The following AIDA variants were observed in gnomAD, a reference collection of about 807,000 sequenced individuals.
AIDA encodes the protein axin interactor, dorsalization-associated protein.
Under a neutral mutation model 42.7 loss-of-function variants are expected in AIDA, and 18 were observed. That is an observed-to-expected ratio of 0.42 (90% CI 0.29 to 0.63). AIDA has a LOEUF of 0.63. Among genes scored for constraint, AIDA ranks in the 20% least tolerant of loss-of-function variants. The pLI, the probability that AIDA is intolerant of heterozygous loss-of-function variation, is 0.19. For synonymous variants in AIDA, 104 were observed against 122.9 expected (o/e 0.85, Z 1.02); for missense variants, 250 against 354.1 (o/e 0.71, Z 2.36).
At chr1:222,694,585 T>C (rs1321842368) in intron 2 of AIDA, among the ~76,000 whole-genome samples, 1 of 152,180 alleles carries the variant, frequency 6.6e-6, no homozygotes, top group Admixed American at 6.5e-5. Context: ...TTCTTCTCCA[T>C]AAAGCCTAAA....
rs777454792 is a variant in AIDA, at chr1:222,699,775, C to CT, written c.180+3372dup. ...GCTTGCATTTTTAAAGAAAATTAAACTTTTTTTTTTTTTTTGAGACAAGTC... is the reference window on the plus strand; with the variant it reads ...GCTTGCATTTTTAAAGAAAATTAAACTTTTTTTTTTTTTTTTGAGACAAGTC... On this transcript the variant is annotated intron_variant, in intron 2 of 9. Coordinates refer to ENST00000340020, the MANE Select transcript of AIDA (RefSeq NM_022831.4). Among the ~76,000 whole-genome samples the CT allele has an allele frequency of 4.3e-3, 615 of 143,306 alleles. 3 individuals are homozygous for CT. The highest frequency in any genetic ancestry group is 0.025 in the South Asian group (114 of 4,520). 94.0% of individuals were successfully genotyped at this position (143,306 alleles called of 152,430 possible). A position where few individuals can be genotyped will look rare whatever the true frequency, so the allele number is the denominator to read the frequency against.
intron 6 of AIDA, among the ~76,000 whole-genome samples, chr1:222,683,779 C>G (rs1314003648): frequency 6.6e-6 from 1 of 152,002 alleles, no homozygotes; most frequent in African/African-American, 2.4e-5. Context: ...TGAAATCTAC[C>G]AAGACTATCT....
Position 222,712,408 on chromosome 1 carries a change from C to T in AIDA, c.-91G>A. ...TCCCCCGGCCTGGCCCCGACATTAACAGGGCCAGGAGGAACCGCTACGGCC... is the reference window on the plus strand; with the variant it reads ...TCCCCCGGCCTGGCCCCGACATTAATAGGGCCAGGAGGAACCGCTACGGCC... On this transcript the variant is annotated 5_prime_UTR_variant, in exon 1 of 10. Transcript: ENST00000340020. 1 of 1,419,272 alleles carries T rather than the reference C, an allele frequency of 7.0e-7. No homozygotes were observed. Among genetic ancestry groups the T allele is most frequent in the Non-Finnish European group, 9.3e-7 (1 of 1,079,418 alleles). 87.9% of individuals were successfully genotyped at this position (1,419,272 alleles called of 1,614,324 possible). A position where few individuals can be genotyped will look rare whatever the true frequency, so the allele number is the denominator to read the frequency against.
At chr1:222,675,176 C>G (rs1395265443) in intron 7 of AIDA, among the ~76,000 whole-genome samples, 1 of 152,134 alleles carries the variant, frequency 6.6e-6, no homozygotes, top group Non-Finnish European at 1.5e-5. Flanking sequence ...CAAAAGTTCT[C>G]TTCATTTGAT....
intron 4 of AIDA, among the ~76,000 whole-genome samples, chr1:222,689,520 T>TATACATAC (rs765351898): frequency 5.2e-5 from 3 of 58,102 alleles, no homozygotes; most frequent in Non-Finnish European, 1.1e-4. Flanking sequence ...TATATATATA[T>TATACATAC]ACACACATAC....
intron 7 of AIDA, among the ~76,000 whole-genome samples, chr1:222,674,678 G>C (rs991448345): frequency 1.3e-5 from 2 of 152,100 alleles, no homozygotes; most frequent in Admixed American, 1.3e-4. Flanking sequence ...AGAACACTAA[G>C]TTATTGTGTA....
At chr1:222,700,475 G>A (rs367841951) in intron 2 of AIDA, among the ~76,000 whole-genome samples, 2 of 151,970 alleles carry the variant, frequency 1.3e-5, no homozygotes, top group African/African-American at 2.4e-5. Context: ...TCTGTGGGTC[G>A]GGCCGGGCGC....
intron 6 of AIDA, among the ~76,000 whole-genome samples, chr1:222,677,362 A>T (rs1265471571): frequency 6.6e-6 from 1 of 152,156 alleles, no homozygotes; most frequent in East Asian, 1.9e-4. Context: ...TAACATCTGC[A>T]AATAAAGGGA....
chr1:222,693,751 C>A, intron 4 of AIDA, 38 bp downstream of exon 4: 1 of 1,508,776 alleles, frequency 6.6e-7, no homozygotes, highest in Non-Finnish European at 9.2e-7. Flanking sequence ...ATTATTTTTC[C>A]AAAGGAGTAT....
intron 1 of AIDA, among the ~76,000 whole-genome samples, chr1:222,705,204 G>C (rs1476003813): frequency 1.3e-5 from 2 of 152,214 alleles, no homozygotes; most frequent in East Asian, 3.8e-4. Flanking sequence ...AAAGCTGGAA[G>C]CCTCATAATA....
intron 2 of AIDA, among the ~76,000 whole-genome samples, chr1:222,701,028 T>C (rs1363144588): frequency 6.9e-6 from 1 of 145,724 alleles, no homozygotes; most frequent in Non-Finnish European, 1.5e-5. Flanking sequence ...AGTGGCATGA[T>C]CTCAGCTCAC....
intron 4 of AIDA, among the ~76,000 whole-genome samples, chr1:222,689,484 TA>T (rs1655294244): frequency 4.1e-5 from 1 of 24,518 alleles, no homozygotes; most frequent in African/African-American, 3.0e-4. Context: ...TGTGTGTGTA[TA>T]TATATATATA....
At chr1:222,699,835 G>A (rs1370124918) in intron 2 of AIDA, among the ~76,000 whole-genome samples, 14 of 151,178 alleles carry the variant, frequency 9.3e-5, no homozygotes, top group East Asian at 1.9e-4. Context: ...GCAGTGGTGC[G>A]ATCTCGGCTC....
intron 7 of AIDA, among the ~76,000 whole-genome samples, chr1:222,675,384 C>G (rs1460927442): frequency 6.6e-6 from 1 of 152,108 alleles, no homozygotes; most frequent in Non-Finnish European, 1.5e-5. Flanking sequence ...AAGAATTCAA[C>G]CAATGTGGTT....
chr1:222,670,761 T>A (rs933446947), intron 8 of AIDA, among the ~76,000 whole-genome samples: 1 of 152,230 alleles, frequency 6.6e-6, no homozygotes, highest in Non-Finnish European at 1.5e-5. Flanking sequence ...CTGGAAAATG[T>A]TATCTGTTTC....
At chr1:222,698,863 T>A (rs1484270120) in intron 2 of AIDA, among the ~76,000 whole-genome samples, 5 of 152,136 alleles carry the variant, frequency 3.3e-5, no homozygotes, top group Admixed American at 3.3e-4. Context: ...TCTAGCTCTG[T>A]AGCCCAGGGT....
chr1:222,699,858 G>A (rs890657314), intron 2 of AIDA, among the ~76,000 whole-genome samples: 3 of 150,982 alleles, frequency 2.0e-5, no homozygotes, highest in African/African-American at 4.9e-5. Flanking sequence ...TGCAAGCTCC[G>A]CCTCCCGGGT....
chr1:222,687,489 G>A, intron 5 of AIDA, 106 bp downstream of exon 5: 1 of 937,346 alleles, frequency 1.1e-6, no homozygotes, highest in Non-Finnish European at 1.6e-6. Context: ...CATTGTTGAT[G>A]TCAATGATAT....
Position 222,686,221 on chromosome 1 carries a change from T to C in AIDA, c.460+709A>G, listed in dbSNP as rs191462525. Among the ~76,000 whole-genome samples, 272 of 152,286 alleles carry C rather than the reference T, an allele frequency of 1.8e-3. 2 individuals are homozygous for C. Among genetic ancestry groups the C allele is most frequent in the African/African-American group, 6.0e-3 (251 of 41,556 alleles). ...GACAGTCTACAGAAAAGAATTAACA[T>C]AGCAGGCCTAAGACTGTTATTCTTA... On this transcript the variant is annotated intron_variant, in intron 6 of 9. Coordinates refer to ENST00000340020, the MANE Select transcript of AIDA (RefSeq NM_022831.4).
Sources: gnomAD v4.1 joint callset for allele counts (sites outside exome capture counted in the v4.1 genomes callset) on GRCh38, gnomAD v4.1.1 for gene constraint, MANE v1.5 for transcripts, NCBI Gene and HGNC (gene_info 2026-07-23, HGNC 2026-07-21) for gene names.